The following FGF14 variants were observed in gnomAD, a reference collection of about 807,000 sequenced individuals.
The protein encoded by FGF14 is fibroblast growth factor homologous factor 4.
In FGF14, 5 loss-of-function variants were observed where a neutral mutation model predicts 25.5. The observed-to-expected ratio is 0.20, with a 90% confidence interval of 0.10 to 0.41. The LOEUF is 0.41. Among genes scored for constraint, FGF14 ranks in the 10% least tolerant of loss-of-function variants. The probability of loss-of-function intolerance (pLI) is 1.00; values close to 1 mark genes in which losing one functional copy is unlikely to be tolerated. For synonymous variants in FGF14, 138 were observed against 118.3 expected, an observed-to-expected ratio of 1.17 and a Z score of -1.08; for missense variants, 222 against 320.1, an observed-to-expected ratio of 0.69 and a Z score of 2.34.
At chr13:102,254,540 C>A (rs1253397277) in intron 1 of FGF14, among the ~76,000 whole-genome samples, 1 of 152,148 alleles carries the variant, frequency 6.6e-6, no homozygotes, top group Non-Finnish European at 1.5e-5. Flanking sequence ...TGGCCAGAAG[C>A]CCCTAGAAGA....
At chr13:101,949,419 C>A (rs1038939226) in intron 1 of FGF14, among the ~76,000 whole-genome samples, 8 of 152,118 alleles carry the variant, frequency 5.3e-5, no homozygotes, top group African/African-American at 1.9e-4. Flanking sequence ...AGCTGCTTGG[C>A]TGCGGAACTG....
At chr13:102,017,482 C>A (rs1297558466) in intron 1 of FGF14, among the ~76,000 whole-genome samples, 2 of 152,108 alleles carry the variant, frequency 1.3e-5, no homozygotes, top group Non-Finnish European at 2.9e-5. Context: ...AGTCTGCTGT[C>A]AATCTGATTC....
intron 1 of FGF14, among the ~76,000 whole-genome samples, chr13:102,032,948 C>A (rs2041284677): frequency 6.6e-6 from 1 of 152,066 alleles, no homozygotes; most frequent in Non-Finnish European, 1.5e-5. Flanking sequence ...CTCACAGGGG[C>A]CAACTGTGGT....
intron 1 of FGF14, among the ~76,000 whole-genome samples, chr13:102,261,956 G>A (rs1407416610): frequency 6.6e-6 from 1 of 152,166 alleles, no homozygotes; most frequent in East Asian, 1.9e-4. Context: ...CATGGAGAAA[G>A]GGGGCCCACT....
chr13:102,312,222 CAAAAA>C (rs34575465), intron 1 of FGF14, among the ~76,000 whole-genome samples: 2 of 96,954 alleles, frequency 2.1e-5, no homozygotes. Flanking sequence ...AGACCTAAAC[CAAAAA>C]AAAAAAAAAA....
chr13:101,933,508 T>G (rs1167479744), intron 1 of FGF14, among the ~76,000 whole-genome samples: 1 of 152,110 alleles, frequency 6.6e-6, no homozygotes, highest in Non-Finnish European at 1.5e-5. Context: ...AGGATCACTT[T>G]AGGTCAGGAA....
At chr13:102,349,601 T>A (rs1046902902) in intron 1 of FGF14, among the ~76,000 whole-genome samples, 23 of 152,226 alleles carry the variant, frequency 1.5e-4, no homozygotes, top group Admixed American at 1.5e-3. Flanking sequence ...TCCAGAAAGA[T>A]AATAAAAATG....
chr13:101,880,754 T>C (rs79189177), intron 1 of FGF14, among the ~76,000 whole-genome samples: 2,441 of 152,272 alleles, frequency 0.016, 64 homozygotes, highest in African/African-American at 0.056. Flanking sequence ...CCCTTGATAA[T>C]TTGCATATTA....
chr13:102,060,171 T>A (rs1245558689), intron 1 of FGF14, among the ~76,000 whole-genome samples: 2 of 147,832 alleles, frequency 1.4e-5, no homozygotes, highest in African/African-American at 2.5e-5. Flanking sequence ...AAAAAAAAAA[T>A]CCCAAATCCT....
intron 1 of FGF14, among the ~76,000 whole-genome samples, chr13:102,114,582 T>C (rs78397183): frequency 2.0e-5 from 3 of 152,334 alleles, no homozygotes; most frequent in Non-Finnish European, 2.9e-5. Context: ...AACATTTATG[T>C]TGTCATAAAC....
intron 1 of FGF14, among the ~76,000 whole-genome samples, chr13:102,191,673 C>T (rs2049129412): frequency 6.6e-6 from 1 of 152,160 alleles, no homozygotes; most frequent in Non-Finnish European, 1.5e-5. Flanking sequence ...ATGCAAAATA[C>T]ATTAATTTTA....
At chr13:101,911,090 T>C (rs1428153107) in intron 1 of FGF14, among the ~76,000 whole-genome samples, 1 of 151,964 alleles carries the variant, frequency 6.6e-6, no homozygotes, top group African/African-American at 2.4e-5. Context: ...ATTTCTACCA[T>C]TTAAAAAAAT....
At chr13:102,306,549 A>G (rs1002204173) in intron 1 of FGF14, among the ~76,000 whole-genome samples, 1 of 152,180 alleles carries the variant, frequency 6.6e-6, no homozygotes, top group Non-Finnish European at 1.5e-5. Flanking sequence ...AAGCTCATCA[A>G]TGGACAGCTG....
At chr13:102,309,980 T>C (rs1370366328) in intron 1 of FGF14, among the ~76,000 whole-genome samples, 1 of 152,188 alleles carries the variant, frequency 6.6e-6, no homozygotes, top group Non-Finnish European at 1.5e-5. Flanking sequence ...TGCACAGATA[T>C]CTCTTAAAAA....
chr13:102,193,666 A>T (rs183776159), intron 1 of FGF14, among the ~76,000 whole-genome samples: 3 of 152,326 alleles, frequency 2.0e-5, no homozygotes, highest in African/African-American at 7.2e-5. Context: ...TCATTAGCTG[A>T]CAATTATGTT....
intron 1 of FGF14, among the ~76,000 whole-genome samples, chr13:102,031,155 G>A (rs2041188203): frequency 6.6e-6 from 1 of 152,022 alleles, no homozygotes; most frequent in Non-Finnish European, 1.5e-5. Context: ...AACCCAGAAA[G>A]AATATATGCA....
chr13:101,898,806 T>A (rs1399637814), intron 1 of FGF14, among the ~76,000 whole-genome samples: 1 of 152,122 alleles, frequency 6.6e-6, no homozygotes, highest in Non-Finnish European at 1.5e-5. Context: ...GAAAGAAAAT[T>A]GGTTGATGGC....
rs1566765067 is a variant in FGF14, at chr13:102,161,644, A to AGGAGGAGG, written c.208+239826_208+239827insCCTCCTCC. On this transcript the variant is annotated intron_variant, in intron 1 of 4. Coordinates refer to the FGF14 transcript ENST00000376131. ...GAAGAAGAAGAAGAAGAAGAAGAAG[A>AGGAGGAGG]AGAAGAAGAAGAAGAAGAAGAAGAA... 1.8e-4 allele frequency among the ~76,000 whole-genome samples: 3 copies of AGGAGGAGG among 17,024 alleles called. 1 individual carries two copies. Among genetic ancestry groups the AGGAGGAGG allele is most frequent in the Non-Finnish European group, 3.4e-4 (3 of 8,764 alleles). 11.2% of individuals were successfully genotyped at this position (17,024 alleles called of 152,430 possible).
At chr13:101,796,986 T>C (rs1410327189) in intron 3 of FGF14, among the ~76,000 whole-genome samples, 1 of 152,074 alleles carries the variant, frequency 6.6e-6, no homozygotes, top group Non-Finnish European at 1.5e-5. Flanking sequence ...TTCTCTGTGG[T>C]GCAGGGCTTG....
Sources: gnomAD v4.1 joint callset for allele counts (sites outside exome capture counted in the v4.1 genomes callset) on GRCh38, gnomAD v4.1.1 for gene constraint, MANE v1.5 for transcripts, NCBI Gene and HGNC (gene_info 2026-07-23, HGNC 2026-07-21) for gene names.